Variants in GABRA3 observed in about 807,000 individuals in gnomAD.
GABRA3 encodes the protein gamma-aminobutyric acid receptor subunit alpha-3.
In GABRA3, 10 loss-of-function variants were observed where a neutral mutation model predicts 30.1. The ratio of observed to expected loss-of-function variants is 0.33; its 90% CI spans 0.20 to 0.56. GABRA3 has a LOEUF of 0.56. Among genes scored for constraint, GABRA3 ranks in the 20% least tolerant of loss-of-function variants. The probability of loss-of-function intolerance (pLI) is 0.89; values close to 1 mark genes in which losing one functional copy is unlikely to be tolerated. For synonymous variants in GABRA3, 151 were observed against 146.8 expected, an observed-to-expected ratio of 1.03 and a Z score of -0.21; for missense variants, 233 against 392.0, an observed-to-expected ratio of 0.59 and a Z score of 3.42.
chrX:152,404,802 A>C (rs1282200025), intron 1 of GABRA3, among the ~76,000 whole-genome samples: 2 of 105,537 alleles, frequency 1.9e-5, no homozygotes, highest in East Asian at 5.9e-4. Context: ...TGTCTAAGGA[A>C]ATTTCTGTCA....
intron 2 of GABRA3, among the ~76,000 whole-genome samples, chrX:152,348,748 T>TAA (rs761020091): frequency 3.8e-4 from 43 of 112,402 alleles, no homozygotes; most frequent in Non-Finnish European, 5.1e-4. Context: ...AGCACTCTAT[T>TAA]AAGTGTTCAA....
intron 7 of GABRA3, among the ~76,000 whole-genome samples, chrX:152,201,632 G>C (rs1937485920): frequency 8.9e-6 from 1 of 111,757 alleles, no homozygotes; most frequent in Admixed American, 9.5e-5. Flanking sequence ...TGAAATATTT[G>C]ATAATAGAAT....
rs1938625410 is a variant in GABRA3, at chrX:152,255,685, T to C, written c.551+93A>G. On this transcript the variant is annotated intron_variant, in intron 5 of 9. Coordinates refer to ENST00000370314, the MANE Select transcript of GABRA3 (RefSeq NM_000808.4). The stretch of plus-strand genomic sequence containing the variant: ...CCTGTACATTTCTAATCTATACACT[T>C]GAGGGAATTTTCAATGGATACTCTA... 6.7e-6 allele frequency: 5 copies of C among 748,533 alleles called. No individual in the cohort carries two copies. In the Admixed American group the frequency reaches 9.2e-5, roughly 14 times the overall value. The allele number at this position is 748,533 out of a possible 1,213,427, so 61.7% of individuals were successfully genotyped here. A position where few individuals can be genotyped will look rare whatever the true frequency, so the allele number is the denominator to read the frequency against.
At position 152,255,069 on chromosome X, in the gene GABRA3, T is replaced by C. The variant is rs1331065695; in HGVS notation, c.551+709A>G. On this transcript the variant is annotated intron_variant, in intron 5 of 9. Coordinates refer to ENST00000370314, the MANE Select transcript of GABRA3 (RefSeq NM_000808.4). ...CATAAAATTGTGATGTTTTTATCCA[T>C]TGGGAGTTGGAAAAGTATGAAATAT... 7.2e-5 allele frequency among the ~76,000 whole-genome samples: 8 copies of C among 111,381 alleles called. No homozygotes were observed. The East Asian group carries it at 8.5e-4, about 12-fold the overall frequency.
chrX:152,344,274 A>T (rs906596234), intron 3 of GABRA3, among the ~76,000 whole-genome samples: 55 of 112,014 alleles, frequency 4.9e-4, no homozygotes, highest in African/African-American at 1.7e-3. Context: ...CTTAGGGAAT[A>T]TGGGAAATTA....
chrX:152,222,031 C>T (rs1308141913), intron 6 of GABRA3, among the ~76,000 whole-genome samples: 1 of 111,410 alleles, frequency 9.0e-6, no homozygotes, highest in Non-Finnish European at 1.9e-5. Context: ...CCATGCATGT[C>T]CCTGCAAAGG....
At chrX:152,225,083 T>C (rs1937914019) in intron 5 of GABRA3, among the ~76,000 whole-genome samples, 1 of 109,772 alleles carries the variant, frequency 9.1e-6, no homozygotes, top group African/African-American at 3.3e-5. Flanking sequence ...CCTGTCACCT[T>C]TGAAAAACAG....
intron 1 of GABRA3, among the ~76,000 whole-genome samples, chrX:152,413,255 A>T (rs1228565606): frequency 9.0e-6 from 1 of 110,773 alleles, no homozygotes; most frequent in Admixed American, 9.7e-5. Flanking sequence ...ACTCCAATTC[A>T]ACAAAATCTC....
At chrX:152,412,187 A>G (rs942375843) in intron 1 of GABRA3, among the ~76,000 whole-genome samples, 1 of 112,083 alleles carries the variant, frequency 8.9e-6, no homozygotes, top group Non-Finnish European at 1.9e-5. Flanking sequence ...TCATAAAGAT[A>G]TGGAAAGATT....
chrX:152,421,134 A>ACACAC (rs1569421972), intron 1 of GABRA3, among the ~76,000 whole-genome samples: 8 of 103,129 alleles, frequency 7.8e-5, no homozygotes, highest in African/African-American at 2.8e-4. Context: ...CACACACACA[A>ACACAC]GGCACCTATA....
At chrX:152,264,209 T>C (rs766193484) in intron 4 of GABRA3, among the ~76,000 whole-genome samples, 59 of 111,832 alleles carry the variant, frequency 5.3e-4, no homozygotes, top group Non-Finnish European at 6.2e-4. Flanking sequence ...AGCTGTGCTG[T>C]GTAAACTACT....
chrX:152,446,348 G>GAGGCAATGACTCTCAAATCACTCTCT (rs1931085984), intron 1 of GABRA3, among the ~76,000 whole-genome samples: 1 of 111,324 alleles, frequency 9.0e-6, no homozygotes, highest in Admixed American at 9.5e-5. Context: ...TAAACCATGA[G>GAGGCAATGACTCTCAAATCACTCTCT]CCCAGGATGG....
chrX:152,405,340 G>C (rs2124525568), intron 1 of GABRA3, among the ~76,000 whole-genome samples: 1 of 104,027 alleles, frequency 9.6e-6, no homozygotes, highest in African/African-American at 3.6e-5. Context: ...GCAAGTCCCA[G>C]TCAGCTCCAC....
intron 1 of GABRA3, among the ~76,000 whole-genome samples, chrX:152,420,523 CAT>C (rs1202195722): frequency 9.0e-6 from 1 of 110,640 alleles, no homozygotes; most frequent in Non-Finnish European, 1.9e-5. Flanking sequence ...AAAATAAAAA[CAT>C]AATAAATGGA....
At chrX:152,255,483 T>C (rs1938621894) in intron 5 of GABRA3, among the ~76,000 whole-genome samples, 2 of 111,800 alleles carry the variant, frequency 1.8e-5, no homozygotes, top group Admixed American at 9.5e-5. Context: ...GAATACATTA[T>C]GTCCTTCTGT....
chrX:152,325,532 T>C (rs1049208340), intron 3 of GABRA3, among the ~76,000 whole-genome samples: 1 of 111,878 alleles, frequency 8.9e-6, no homozygotes, highest in Admixed American at 9.5e-5. Context: ...ACATCTGCTG[T>C]TCTGCAATAT....
rs1264930291 is a variant in GABRA3, at chrX:152,407,320, C to T, written c.-26-42724G>A. Reference sequence around the variant, plus strand: ...TTTTTAAAAAAATAAACAAAATCAACAAATATTTAGCCCAACTAACTTACA... The same window carrying T: ...TTTTTAAAAAAATAAACAAAATCAATAAATATTTAGCCCAACTAACTTACA... On this transcript the variant is annotated intron_variant, in intron 1 of 9. Coordinates refer to ENST00000370314, the MANE Select transcript of GABRA3 (RefSeq NM_000808.4). 4.5e-5 allele frequency among the ~76,000 whole-genome samples: 5 copies of T among 110,921 alleles called. No individual in the cohort carries two copies. The Admixed American group carries it at 4.8e-4, about 11-fold the overall frequency.
chrX:152,352,516 C>T (rs1472705151), intron 2 of GABRA3, among the ~76,000 whole-genome samples: 1 of 111,000 alleles, frequency 9.0e-6, no homozygotes, highest in African/African-American at 3.3e-5. Context: ...TCACTGCCAG[C>T]ATCCTTCATT....
At chrX:152,221,227 G>A (rs1937829985) in intron 6 of GABRA3, among the ~76,000 whole-genome samples, 4 of 111,037 alleles carry the variant, frequency 3.6e-5, no homozygotes, top group African/African-American at 1.3e-4. Flanking sequence ...AATAAAAGCT[G>A]GATTGTTTTA....
Sources: allele counts gnomAD v4.1 joint callset (sites outside exome capture counted in the v4.1 genomes callset), GRCh38; gene constraint gnomAD v4.1.1; transcripts MANE v1.5; gene names NCBI Gene and HGNC (gene_info 2026-07-23, HGNC 2026-07-21).